Variants in TBC1D5 observed in about 807,000 individuals in gnomAD.
TBC1D5 encodes TBC1 domain family, member 5.
TBC1D5 carries 75 observed loss-of-function variants against 100.3 expected under a neutral mutation model. The observed-to-expected ratio is 0.75, with a 90% CI of 0.62 to 0.91. The LOEUF is 0.91. TBC1D5 is among the 40% of genes least tolerant of loss of function. The pLI, the probability that TBC1D5 is intolerant of heterozygous loss-of-function variation, is 0.00. For missense variants in TBC1D5, 910 were observed against 942.4 expected, an observed-to-expected ratio of 0.97 and a Z score of 0.45; for synonymous variants, 323 against 325.6, an observed-to-expected ratio of 0.99 and a Z score of 0.09.
rs534377385 is a variant in TBC1D5, at chr3:17,423,452, A to G, written c.167+4998T>C. Among the ~76,000 whole-genome samples the G allele has an allele frequency of 1.4e-4, 21 of 152,248 alleles. No individual in the cohort carries two copies. In the South Asian group the frequency reaches 4.3e-3, roughly 32 times the overall value. ...TATCTGTGTATCTTTTTAGCATTCA[A>G]GTAACTTTTGTTTTTTAATTCAACA... On this transcript the variant is annotated intron_variant, in intron 4 of 21. Coordinates refer to ENST00000253692, the Ensembl canonical transcript of TBC1D5.
Position 17,171,894 on chromosome 3 carries a change from T to C in TBC1D5, c.1853-4066A>G, listed in dbSNP as rs535177857. Reference sequence around the variant, plus strand: ...TACTAATCTTGTCCTGCATGCAGAATACAATGCTCTGGCCTGATGTGCAAC... The same window carrying C: ...TACTAATCTTGTCCTGCATGCAGAACACAATGCTCTGGCCTGATGTGCAAC... On this transcript the variant is annotated intron_variant, in intron 19 of 21. Transcript: ENST00000253692. 7.2e-5 allele frequency among the ~76,000 whole-genome samples: 11 copies of C among 152,284 alleles called. No homozygotes were observed. In the Middle Eastern group the frequency reaches 0.014, roughly 188 times the overall value.
chr3:17,335,558 T>C (rs2087596299), intron 13 of TBC1D5, among the ~76,000 whole-genome samples: 1 of 152,138 alleles, frequency 6.6e-6, no homozygotes, highest in Non-Finnish European at 1.5e-5. Context: ...TGCTTTACTT[T>C]TTATCCACAA....
chr3:17,519,134 G>C (rs2096031900), intron 2 of TBC1D5: 1 of 152,324 alleles, frequency 6.6e-6, no homozygotes, highest in African/African-American at 2.4e-5. Context: ...TCAGGGAAGA[G>C]GCAGTGCATG....
chr3:17,487,233 G>A (rs967259439), intron 3 of TBC1D5, among the ~76,000 whole-genome samples: 1 of 152,096 alleles, frequency 6.6e-6, no homozygotes, highest in African/African-American at 2.4e-5. Flanking sequence ...CGCTATTCTA[G>A]AGAATAATCT....
In TBC1D5 at chr3:17,376,626, A is replaced by G. The variant is rs2092721506; in HGVS notation, c.613-13T>C. 2.5e-6 allele frequency: 4 copies of G among 1,607,482 alleles called. No homozygotes were observed. The highest frequency in any genetic ancestry group is 1.1e-5 in the South Asian group (1 of 89,956). ...GTTCGTGCATGCCCTGAAATAAAAG[A>G]GCCAGAAAAATGAAAGAGATGGATA... On this transcript the variant is annotated splice_polypyrimidine_tract_variant and intron_variant, in intron 9 of 21. Coordinates refer to ENST00000253692, the Ensembl canonical transcript of TBC1D5.
chr3:17,707,822 C>CA (rs1034055232), intron 1 of TBC1D5, among the ~76,000 whole-genome samples: 22 of 151,526 alleles, frequency 1.5e-4, no homozygotes, highest in Admixed American at 1.3e-3. Context: ...AAGAAACAAA[C>CA]AAAAAAAATG....
intron 2 of TBC1D5, among the ~76,000 whole-genome samples, chr3:17,569,588 G>A (rs1276402126): frequency 6.6e-6 from 1 of 151,436 alleles, no homozygotes; most frequent in Non-Finnish European, 1.5e-5. Flanking sequence ...CCCTGCATAT[G>A]AAACAGAGCA....
At chr3:17,410,339 C>A (rs1027220005) in intron 4 of TBC1D5, among the ~76,000 whole-genome samples, 3 of 152,104 alleles carry the variant, frequency 2.0e-5, no homozygotes, top group Non-Finnish European at 2.9e-5. Flanking sequence ...GACAATACAC[C>A]TCATCACCCA....
intron 13 of TBC1D5, among the ~76,000 whole-genome samples, chr3:17,327,037 G>A (rs1459601596): frequency 6.6e-6 from 1 of 152,008 alleles, no homozygotes; most frequent in Admixed American, 6.6e-5. Context: ...CTTTCATCTT[G>A]ATACCAACAT....
intron 3 of TBC1D5, among the ~76,000 whole-genome samples, chr3:17,491,167 G>A (rs923682333): frequency 2.0e-5 from 3 of 152,074 alleles, no homozygotes; most frequent in African/African-American, 7.2e-5. Flanking sequence ...TTTGTATCCC[G>A]AGACTTTGCT....
chr3:17,276,470 C>T (rs1261900505), intron 15 of TBC1D5, among the ~76,000 whole-genome samples: 1 of 152,304 alleles, frequency 6.6e-6, no homozygotes, highest in East Asian at 1.9e-4. Flanking sequence ...GGCCCCACTG[C>T]AGACTGAGAA....
At chr3:17,655,701 T>C (rs2066000059) in intron 1 of TBC1D5, among the ~76,000 whole-genome samples, 1 of 152,046 alleles carries the variant, frequency 6.6e-6, no homozygotes, top group African/African-American at 2.4e-5. Flanking sequence ...TCAAAAGAAA[T>C]GCTCATTGGA....
chr3:17,487,633 A>G (rs1208164973), intron 3 of TBC1D5, among the ~76,000 whole-genome samples: 1 of 152,150 alleles, frequency 6.6e-6, no homozygotes, highest in Non-Finnish European at 1.5e-5. Flanking sequence ...AACCTAACAC[A>G]TCTATTTCTA....
At chr3:17,438,962 C>G (rs899915541) in intron 3 of TBC1D5, among the ~76,000 whole-genome samples, 2 of 151,908 alleles carry the variant, frequency 1.3e-5, no homozygotes, top group Non-Finnish European at 2.9e-5. Context: ...ATATTATTTA[C>G]TATATAAAAT....
Position 17,541,881 on chromosome 3 carries a change from T to C in TBC1D5, c.-35-33276A>G, listed in dbSNP as rs892403511. Among the ~76,000 whole-genome samples, 4 of 152,216 alleles carry C rather than the reference T, an allele frequency of 2.6e-5. No homozygotes were observed. In the East Asian group the frequency reaches 5.8e-4, roughly 22 times the overall value. ...CACAGTGAATGACTGAAATCATGGA[T>C]AAAACCAAACCCTACACACACTATG... On this transcript the variant is annotated intron_variant, in intron 2 of 21. Coordinates refer to ENST00000253692, the Ensembl canonical transcript of TBC1D5.
intron 2 of TBC1D5, among the ~76,000 whole-genome samples, chr3:17,622,104 C>T (rs899033267): frequency 2.6e-5 from 4 of 152,126 alleles, no homozygotes; most frequent in Admixed American, 6.5e-5. Context: ...GGGAAGGGAG[C>T]TGGGGAGAGA....
chr3:17,592,740 C>T (rs1166207451), intron 2 of TBC1D5, among the ~76,000 whole-genome samples: 1 of 152,152 alleles, frequency 6.6e-6, no homozygotes, highest in African/African-American at 2.4e-5. Context: ...GTGTCAGTGG[C>T]AGATAGAGAT....
chr3:17,551,725 T>A (rs2096475396), intron 2 of TBC1D5, among the ~76,000 whole-genome samples: 1 of 152,184 alleles, frequency 6.6e-6, no homozygotes, highest in Non-Finnish European at 1.5e-5. Flanking sequence ...TGCACTCCAG[T>A]GGGCCATTGT....
chr3:17,422,486 C>G (rs545707944), intron 4 of TBC1D5, among the ~76,000 whole-genome samples: 3 of 152,122 alleles, frequency 2.0e-5, no homozygotes, highest in Admixed American at 6.5e-5. Context: ...TGAGCCTGCT[C>G]TCGTCCAATG....
Sources: gnomAD v4.1 joint callset for allele counts (sites outside exome capture counted in the v4.1 genomes callset) on GRCh38, gnomAD v4.1.1 for gene constraint, MANE v1.5 for transcripts, NCBI Gene and HGNC (gene_info 2026-07-23, HGNC 2026-07-21) for gene names.